Variants in ROBO2 observed in about 807,000 individuals in gnomAD.
ROBO2 encodes roundabout guidance receptor 2, also known as roundabout homolog 2.
ROBO2 carries 53 observed loss-of-function variants against 160.8 expected under a neutral mutation model. That is an observed-to-expected ratio of 0.33 (90% CI 0.26 to 0.41). The LOEUF (loss-of-function observed/expected upper bound fraction) is 0.41. Ranked by LOEUF, ROBO2 falls within the 10% of genes least tolerant of loss-of-function variation. The pLI is 1.00. For synonymous variants in ROBO2, 664 were observed against 611.7 expected, an observed-to-expected ratio of 1.09 and a Z score of -1.26; for missense variants, 1,577 against 1,722.4, an observed-to-expected ratio of 0.92 and a Z score of 1.49.
chr3:76,256,768 GA>G (rs879639283), intron 2 of ROBO2, among the ~76,000 whole-genome samples: 6 of 152,074 alleles, frequency 3.9e-5, no homozygotes, highest in Admixed American at 3.3e-4. Context: ...TAATTTATAA[GA>G]AAAAGAGATT....
chr3:77,294,571 G>A lies in ROBO2; in HGVS notation c.389-182843G>A, dbSNP rs1420083029. 2.2e-4 allele frequency among the ~76,000 whole-genome samples: 32 copies of A among 145,618 alleles called. 3 individuals carry two copies. The highest frequency in any genetic ancestry group is 6.0e-4 in the East Asian group (3 of 4,964). On this transcript the variant is annotated intron_variant, in intron 2 of 25. Transcript: ENST00000461745. ...CCTAAAGACATAAAGTAAAATTGAC[G>A]GTTAAACAGGTAAGCTGAGGCTAGA...
At chr3:77,319,907 GC>G (rs1281093002) in intron 2 of ROBO2, among the ~76,000 whole-genome samples, 1 of 152,080 alleles carries the variant, frequency 6.6e-6, no homozygotes, top group East Asian at 1.9e-4. Flanking sequence ...GTGGTAGAGA[GC>G]CTAAAAACCC....
At chr3:76,299,495 G>A (rs1212298517) in intron 2 of ROBO2, among the ~76,000 whole-genome samples, 1 of 152,184 alleles carries the variant, frequency 6.6e-6, no homozygotes, top group Admixed American at 6.5e-5. Flanking sequence ...TACATTGGAT[G>A]TGGGAGGAAC....
chr3:77,483,507 A>T (rs943621008), intron 4 of ROBO2, among the ~76,000 whole-genome samples: 1 of 151,878 alleles, frequency 6.6e-6, no homozygotes, highest in Non-Finnish European at 1.5e-5. Flanking sequence ...ATATTTATAT[A>T]AGTAAAACTG....
At chr3:76,291,892 A>AT (rs146450239) in intron 2 of ROBO2, among the ~76,000 whole-genome samples, 3,813 of 148,868 alleles carry the variant, frequency 0.026, 67 homozygotes, top group South Asian at 0.081. Flanking sequence ...AGTTGATATG[A>AT]TTTTTTTTTT....
At chr3:76,002,951 T>A (rs1381069967) in intron 2 of ROBO2, among the ~76,000 whole-genome samples, 1 of 152,110 alleles carries the variant, frequency 6.6e-6, no homozygotes, top group Non-Finnish European at 1.5e-5. Flanking sequence ...CTACTACAGA[T>A]ACAAATCATA....
intron 2 of ROBO2, among the ~76,000 whole-genome samples, chr3:76,027,307 A>G (rs2066778655): frequency 6.6e-6 from 1 of 151,856 alleles, no homozygotes; most frequent in African/African-American, 2.4e-5. Context: ...CCTCCCAGTC[A>G]CCTGCCCCCA....
intron 5 of ROBO2, 97 bp downstream of exon 5, chr3:77,493,479 C>T (rs2153600671): frequency 7.6e-7 from 1 of 1,313,470 alleles, no homozygotes. Flanking sequence ...ACTCCTATGT[C>T]TTGGGGTACT....
chr3:76,155,390 A>C (rs911984161), intron 2 of ROBO2, among the ~76,000 whole-genome samples: 1 of 152,200 alleles, frequency 6.6e-6, no homozygotes, highest in African/African-American at 2.4e-5. Context: ...AGCAAAATAG[A>C]CTATGAAAAA....
At chr3:77,326,829 TC>T (rs754611108) in intron 2 of ROBO2, among the ~76,000 whole-genome samples, 23 of 152,202 alleles carry the variant, frequency 1.5e-4, no homozygotes, top group Non-Finnish European at 2.9e-4. Flanking sequence ...CTCCAAAGTC[TC>T]CCTGGTGGAG....
chr3:77,005,329 T>G (rs1236348299), intron 2 of ROBO2, among the ~76,000 whole-genome samples: 1 of 152,146 alleles, frequency 6.6e-6, no homozygotes, highest in Non-Finnish European at 1.5e-5. Context: ...CCAAGCACAG[T>G]TTTTGGAACA....
rs568504726 is a variant in ROBO2 at position 76,111,073 on chromosome 3, A to G, written c.109+173471A>G. ...ACCCCCAATACCTTAAAATGTTACC[A>G]TATTTGGAAAGATGGTCTTGCAGAT... is the stretch of plus-strand genomic sequence containing the variant. On this transcript the variant is annotated intron_variant, in intron 2 of 26. Coordinates refer to the ROBO2 transcript ENST00000487694. Among the ~76,000 whole-genome samples the G allele has an allele frequency of 4.3e-4, 66 of 152,200 alleles. 1 individual carries two copies. Among genetic ancestry groups the G allele is most frequent in the African/African-American group, 1.5e-3 (63 of 41,534 alleles).
At chr3:76,048,478 C>A (rs1178788196) in intron 2 of ROBO2, among the ~76,000 whole-genome samples, 1 of 152,078 alleles carries the variant, frequency 6.6e-6, no homozygotes, top group African/African-American at 2.4e-5. Context: ...TGTACATAAA[C>A]TGCAAATATT....
chr3:77,088,140 C>T (rs114516608), intron 1 of ROBO2, among the ~76,000 whole-genome samples: 124 of 152,114 alleles, frequency 8.2e-4, no homozygotes, highest in Middle Eastern at 3.4e-3. Flanking sequence ...GAATAACATG[C>T]GGTAGTGGAG....
chr3:76,446,696 T>C (rs537591599), intron 2 of ROBO2, among the ~76,000 whole-genome samples: 4 of 152,196 alleles, frequency 2.6e-5, no homozygotes, highest in South Asian at 2.1e-4. Flanking sequence ...AACAGAGATA[T>C]AGACCAATGG....
At chr3:76,029,289 G>A (rs547357029) in intron 2 of ROBO2, among the ~76,000 whole-genome samples, 6 of 151,966 alleles carry the variant, frequency 3.9e-5, no homozygotes, top group African/African-American at 1.2e-4. Flanking sequence ...TGTTTAATAA[G>A]TGTTCAGAAA....
chr3:76,668,019 G>A (rs2092118672), intron 2 of ROBO2, among the ~76,000 whole-genome samples: 1 of 152,096 alleles, frequency 6.6e-6, no homozygotes, highest in Non-Finnish European at 1.5e-5. Flanking sequence ...TAAAAAATGA[G>A]TTATCAGACA....
At chr3:77,086,017 C>G (rs1373105366) in intron 1 of ROBO2, among the ~76,000 whole-genome samples, 1 of 151,996 alleles carries the variant, frequency 6.6e-6, no homozygotes, top group Non-Finnish European at 1.5e-5. Flanking sequence ...ATAGATGCTT[C>G]CTATGCATTA....
intron 2 of ROBO2, among the ~76,000 whole-genome samples, chr3:76,155,320 C>A (rs1345478081): frequency 6.6e-6 from 1 of 152,104 alleles, no homozygotes; most frequent in Non-Finnish European, 1.5e-5. Flanking sequence ...CAATCTGATC[C>A]TGTTGATGGA....
Sources: gnomAD v4.1 joint callset for allele counts (sites outside exome capture counted in the v4.1 genomes callset) on GRCh38, gnomAD v4.1.1 for gene constraint, MANE v1.5 for transcripts, NCBI Gene and HGNC (gene_info 2026-07-23, HGNC 2026-07-21) for gene names.